PAK5: variants seen among roughly 807,000 people sequenced by gnomAD.
PAK5 encodes the protein serine/threonine-protein kinase PAK 5.
Under a neutral mutation model 65.9 loss-of-function variants are expected in PAK5, and 16 were observed. That is an observed-to-expected ratio of 0.24 (90% confidence interval 0.16 to 0.37). The LOEUF (loss-of-function observed/expected upper bound fraction) is 0.37. PAK5 is among the 10% of genes least tolerant of loss of function. The pLI is 1.00. For synonymous variants in PAK5, 371 were observed against 354.9 expected (o/e 1.05, Z -0.51); for missense variants, 785 against 903.9 (o/e 0.87, Z 1.69).
At chr20:9,733,874 C>T (rs895021597) in intron 1 of PAK5, among the ~76,000 whole-genome samples, 2 of 152,178 alleles carry the variant, frequency 1.3e-5, no homozygotes, top group South Asian at 2.1e-4. Flanking sequence ...TGCTCAGAAG[C>T]ATACCACTAC....
intron 3 of PAK5, among the ~76,000 whole-genome samples, chr20:9,621,521 GA>G (rs1161378964): frequency 0.018 from 2,557 of 143,680 alleles, 24 homozygotes; most frequent in Non-Finnish European, 0.027. Context: ...GGGCTGATTT[GA>G]AAAAAAAAAA....
intron 3 of PAK5, among the ~76,000 whole-genome samples, chr20:9,585,839 C>T (rs532780059): frequency 1.3e-5 from 2 of 152,250 alleles, no homozygotes; most frequent in South Asian, 2.1e-4. Flanking sequence ...TCTACACATT[C>T]ATCAATGAAG....
chr20:9,537,454 C>T lies in PAK5; in HGVS notation c.*2008G>A, dbSNP rs894690093. On this transcript the variant is annotated 3_prime_UTR_variant, in exon 10 of 10. Coordinates refer to ENST00000353224, the MANE Select transcript of PAK5 (RefSeq NM_177990.4). ...TGCCAATAGTTAGTGCTCACAAAACCTTTTAAGCTACAGTAACTTTTGGTA... is the reference window on the plus strand; with the variant it reads ...TGCCAATAGTTAGTGCTCACAAAACTTTTTAAGCTACAGTAACTTTTGGTA... The T allele has an allele frequency of 4.3e-5, 9 of 209,296 alleles. No homozygotes were observed. The highest frequency in any genetic ancestry group is 2.0e-4 in the African/African-American group (9 of 43,958). 13.0% of individuals were successfully genotyped at this position (209,296 alleles called of 1,614,324 possible).
In PAK5 at chr20:9,711,402, G is replaced by T. The variant is rs2048075861; in HGVS notation, c.-128C>A. 6.6e-6 allele frequency: 1 copy of T among 152,054 alleles called. No homozygotes were observed. Among genetic ancestry groups the T allele is most frequent in the Non-Finnish European group, 1.5e-5 (1 of 68,022 alleles). 9.4% of individuals were successfully genotyped at this position (152,054 alleles called of 1,614,324 possible). The stretch of plus-strand genomic sequence containing the variant: ...TCATTTTTCCTCAGTGTTCATTTTA[G>T]CAAGAGGTGGAAGCATTTCACCACA... On this transcript the variant is annotated 5_prime_UTR_variant, in exon 2 of 10. Coordinates refer to ENST00000353224, the MANE Select transcript of PAK5 (RefSeq NM_177990.4).
chr20:9,590,563 C>T (rs74760527), intron 3 of PAK5, among the ~76,000 whole-genome samples: 122 of 150,580 alleles, frequency 8.1e-4, no homozygotes, highest in African/African-American at 2.7e-3. Context: ...GATCTAGATA[C>T]ACAGGTCTCA....
chr20:9,547,253 C>A (rs1006750302), intron 7 of PAK5, among the ~76,000 whole-genome samples: 1 of 152,148 alleles, frequency 6.6e-6, no homozygotes, highest in Non-Finnish European at 1.5e-5. Context: ...GGAATCAACA[C>A]TACCAAAATC....
At chr20:9,744,343 T>C (rs1276053901) in intron 1 of PAK5, among the ~76,000 whole-genome samples, 4 of 152,180 alleles carry the variant, frequency 2.6e-5, no homozygotes, top group African/African-American at 9.7e-5. Flanking sequence ...AAGTAAGCAA[T>C]ATGGCTTCTT....
intron 3 of PAK5, among the ~76,000 whole-genome samples, chr20:9,630,417 G>A (rs761420543): frequency 1.3e-5 from 2 of 152,154 alleles, no homozygotes; most frequent in African/African-American, 2.4e-5. Flanking sequence ...TATGGGCATC[G>A]TCCCTCAGTC....
chr20:9,822,853 T>C (rs937441691), intron 1 of PAK5, among the ~76,000 whole-genome samples: 4 of 152,210 alleles, frequency 2.6e-5, no homozygotes, highest in Non-Finnish European at 5.9e-5. Context: ...TGATGGGAGT[T>C]GGTGTATAAA....
intron 1 of PAK5, among the ~76,000 whole-genome samples, chr20:9,766,868 C>T (rs1009841237): frequency 1.3e-5 from 2 of 151,400 alleles, no homozygotes; most frequent in East Asian, 1.9e-4. Context: ...ACATATCAAG[C>T]TATATATGCC....
At chr20:9,625,492 C>T (rs116042501) in intron 3 of PAK5, among the ~76,000 whole-genome samples, 2,073 of 152,292 alleles carry the variant, frequency 0.014, 24 homozygotes, top group Middle Eastern at 0.037. Context: ...GTGCTGTGCA[C>T]GGGTTTTTGG....
rs137862209 is a variant in PAK5, at chr20:9,615,969, A to G, written c.204+28156T>C. ...ACCCAAGAAAACCGGTGAAAGCTAC[A>G]TGGCCTTTCCTTTTCTAGTGCTGAG... is the stretch of plus-strand genomic sequence containing the variant. On this transcript the variant is annotated intron_variant, in intron 3 of 9. Transcript: ENST00000353224. Among the ~76,000 whole-genome samples, 4 of 152,308 alleles carry G rather than the reference A, an allele frequency of 2.6e-5. No homozygotes were observed. In the East Asian group the frequency reaches 5.8e-4, roughly 22 times the overall value.
intron 3 of PAK5, among the ~76,000 whole-genome samples, chr20:9,615,967 A>G (rs2046648916): frequency 6.6e-6 from 1 of 152,180 alleles, no homozygotes; most frequent in Non-Finnish European, 1.5e-5. Context: ...GGTGAAAGCT[A>G]CATGGCCTTT....
intron 1 of PAK5, among the ~76,000 whole-genome samples, chr20:9,807,566 T>G (rs2049247739): frequency 6.6e-6 from 1 of 152,020 alleles, no homozygotes; most frequent in African/African-American, 2.4e-5. Context: ...TTTAGTGGCA[T>G]TGTTTACAGC....
At chr20:9,541,581 C>T (rs918133587) in intron 9 of PAK5, among the ~76,000 whole-genome samples, 14 of 152,156 alleles carry the variant, frequency 9.2e-5, no homozygotes, top group African/African-American at 2.2e-4. Flanking sequence ...TGATGCTCCC[C>T]GTGCCTGGGA....
chr20:9,807,762 A>AAATAAATAATAATAAT (rs1555929891), intron 1 of PAK5, among the ~76,000 whole-genome samples: 1 of 142,326 alleles, frequency 7.0e-6, no homozygotes, highest in South Asian at 2.3e-4. Flanking sequence ...AGCAAAAAAT[A>AAATAAATAATAATAAT]AATAATAATA....
At chr20:9,563,079 C>G in intron 5 of PAK5, 55 bp from the exon 6 acceptor site, 1 of 1,518,208 alleles carries the variant, frequency 6.6e-7, no homozygotes, top group Non-Finnish European at 9.1e-7. Context: ...GCTTTTTGTT[C>G]TCTTGTGGCC....
chr20:9,615,164 C>T (rs778868515), intron 3 of PAK5, among the ~76,000 whole-genome samples: 4 of 152,052 alleles, frequency 2.6e-5, no homozygotes, highest in Non-Finnish European at 5.9e-5. Flanking sequence ...AGTGGTTGTC[C>T]GGGGTTAGGG....
chr20:9,698,185 C>A (rs1364257747), intron 2 of PAK5, among the ~76,000 whole-genome samples: 3 of 151,996 alleles, frequency 2.0e-5, no homozygotes, highest in African/African-American at 4.8e-5. Context: ...AGTGGTATAA[C>A]CCCTCAACTA....
Sources: gnomAD v4.1 joint callset for allele counts (sites outside exome capture counted in the v4.1 genomes callset) on GRCh38, gnomAD v4.1.1 for gene constraint, MANE v1.5 for transcripts, NCBI Gene and HGNC (gene_info 2026-07-23, HGNC 2026-07-21) for gene names.